SPAG16: variants seen among roughly 807,000 people sequenced by gnomAD.
SPAG16 encodes sperm associated antigen 16.
A neutral mutation model predicts 80.4 loss-of-function variants in SPAG16; 86 were observed. The observed-to-expected ratio is 1.07, with a 90% CI of 0.90 to 1.28. SPAG16 has a LOEUF of 1.28. SPAG16 is among the 50% of genes most tolerant of loss of function. The pLI is 0.00. For missense variants in SPAG16, 870 were observed against 765.3 expected (o/e 1.14, Z -1.61); for synonymous variants, 294 against 265.9 (o/e 1.11, Z -1.03).
In SPAG16 at chr2:213,601,658, A is replaced by G. The variant is rs75242413; in HGVS notation, c.1070+111568A>G. Among the ~76,000 whole-genome samples the G allele has an allele frequency of 6.1e-3, 928 of 152,354 alleles. 12 individuals are homozygous for G. The highest frequency in any genetic ancestry group is 0.013 in the South Asian group (65 of 4,832). ...TATTTAGGTCAACAATCAGCTGTAC[A>G]AATGTATATGACAGTGGTCCCATAA... On this transcript the variant is annotated intron_variant, in intron 10 of 15. Coordinates refer to ENST00000331683, the MANE Select transcript of SPAG16 (RefSeq NM_024532.5).
chr2:214,004,322 G>A (rs976949809), intron 12 of SPAG16, among the ~76,000 whole-genome samples: 12 of 152,038 alleles, frequency 7.9e-5, no homozygotes, highest in Admixed American at 2.0e-4. Context: ...GGGTGAGCAG[G>A]GACTCAGTAG....
At chr2:213,519,641 A>T (rs2075582527) in intron 10 of SPAG16, among the ~76,000 whole-genome samples, 1 of 152,222 alleles carries the variant, frequency 6.6e-6, no homozygotes, top group African/African-American at 2.4e-5. Flanking sequence ...TATCAGTAGC[A>T]TGAAAATGAA....
chr2:213,354,402 C>T (rs572458272), intron 7 of SPAG16, among the ~76,000 whole-genome samples: 240 of 152,174 alleles, frequency 1.6e-3, no homozygotes, highest in Non-Finnish European at 3.0e-3. Context: ...GTATATACCC[C>T]GTAATGGGAT....
At chr2:213,804,474 G>C (rs1276774881) in intron 10 of SPAG16, among the ~76,000 whole-genome samples, 1 of 152,156 alleles carries the variant, frequency 6.6e-6, no homozygotes, top group Non-Finnish European at 1.5e-5. Flanking sequence ...ACAAGGTCAA[G>C]AGATCGAGAC....
chr2:214,087,389 T>C (rs2051842245), intron 13 of SPAG16, among the ~76,000 whole-genome samples: 1 of 152,124 alleles, frequency 6.6e-6, no homozygotes, highest in Non-Finnish European at 1.5e-5. Flanking sequence ...TTAGCAAACA[T>C]GGAAAATTGA....
chr2:213,309,009 A>T (rs2126111554), intron 3 of SPAG16, among the ~76,000 whole-genome samples: 1 of 152,280 alleles, frequency 6.6e-6, no homozygotes, highest in Middle Eastern at 3.4e-3. Context: ...TTGTACACAC[A>T]GCCTGAAGGT....
intron 11 of SPAG16, among the ~76,000 whole-genome samples, chr2:213,910,089 T>C (rs1244528635): frequency 1.3e-5 from 2 of 152,214 alleles, no homozygotes; most frequent in African/African-American, 4.8e-5. Context: ...CTTAATTTTA[T>C]TAGATTTTGG....
At chr2:213,463,240 A>G (rs1394076380) in intron 9 of SPAG16, among the ~76,000 whole-genome samples, 1 of 152,334 alleles carries the variant, frequency 6.6e-6, no homozygotes, top group East Asian at 1.9e-4. Flanking sequence ...GAGGAAGTAG[A>G]ACACAAAAGT....
intron 9 of SPAG16, among the ~76,000 whole-genome samples, chr2:213,378,995 G>A (rs1314776772): frequency 6.6e-6 from 1 of 152,252 alleles, no homozygotes; most frequent in Non-Finnish European, 1.5e-5. Flanking sequence ...AGCCAAGACT[G>A]TAACTCCCTT....
intron 15 of SPAG16, among the ~76,000 whole-genome samples, chr2:214,201,503 C>A (rs2058008386): frequency 6.6e-6 from 1 of 152,046 alleles, no homozygotes; most frequent in African/African-American, 2.4e-5. Flanking sequence ...ATGAAGATAG[C>A]CATTGGAAAG....
At chr2:214,154,998 T>G (rs1439564036) in intron 15 of SPAG16, among the ~76,000 whole-genome samples, 1 of 152,140 alleles carries the variant, frequency 6.6e-6, no homozygotes, top group East Asian at 1.9e-4. Context: ...CTCCAGAATA[T>G]AGCCTGGAGA....
intron 10 of SPAG16, among the ~76,000 whole-genome samples, chr2:213,520,561 T>A (rs2075622346): frequency 6.6e-6 from 1 of 152,126 alleles, no homozygotes; most frequent in South Asian, 2.1e-4. Flanking sequence ...ACCACTGCAC[T>A]CCAGCCTGAG....
At chr2:213,295,948 T>A (rs1196574139) in intron 1 of SPAG16, 116 bp from the exon 2 acceptor site, 1 of 769,376 alleles carries the variant, frequency 1.3e-6, no homozygotes, top group African/African-American at 1.8e-5. Flanking sequence ...TTATATATAT[T>A]TACCAACTTC....
chr2:214,260,307 A>C (rs924329198), intron 15 of SPAG16, among the ~76,000 whole-genome samples: 1 of 152,138 alleles, frequency 6.6e-6, no homozygotes, highest in African/African-American at 2.4e-5. Context: ...TTCCCCCAAA[A>C]ACTATTGAAA....
chr2:213,787,242 A>T (rs544700866), intron 10 of SPAG16, among the ~76,000 whole-genome samples: 4 of 152,254 alleles, frequency 2.6e-5, no homozygotes, highest in East Asian at 1.9e-4. Flanking sequence ...AAGAAAATTT[A>T]AAAAATACAA....
intron 10 of SPAG16, among the ~76,000 whole-genome samples, chr2:213,721,388 C>T (rs1239373512): frequency 3.3e-5 from 5 of 152,132 alleles, no homozygotes; most frequent in Admixed American, 6.5e-5. Context: ...CGTAAGCCAC[C>T]GCGCCTGGCC....
At chr2:213,440,556 A>AAACGAC (rs555138031) in intron 9 of SPAG16, among the ~76,000 whole-genome samples, 1 of 151,620 alleles carries the variant, frequency 6.6e-6, no homozygotes, top group Non-Finnish European at 1.5e-5. Context: ...CTCCATCTCA[A>AAACGAC]AACAACAACA....
At chr2:213,988,669 AT>A (rs1046192245) in intron 12 of SPAG16, among the ~76,000 whole-genome samples, 1 of 147,812 alleles carries the variant, frequency 6.8e-6, no homozygotes, top group Non-Finnish European at 1.5e-5. Flanking sequence ...AACATTTTAG[AT>A]TTTTTTAAAT....
At chr2:214,289,084 A>G (rs1693602906) in intron 15 of SPAG16, among the ~76,000 whole-genome samples, 1 of 152,064 alleles carries the variant, frequency 6.6e-6, no homozygotes, top group Non-Finnish European at 1.5e-5. Flanking sequence ...CCACTTTTTA[A>G]TAGGATTTTT....
Sources: allele counts gnomAD v4.1 joint callset (sites outside exome capture counted in the v4.1 genomes callset), GRCh38; gene constraint gnomAD v4.1.1; transcripts MANE v1.5; gene names NCBI Gene and HGNC (gene_info 2026-07-23, HGNC 2026-07-21).